The following PLA2G4F variants were observed in gnomAD, a reference collection of about 807,000 sequenced individuals.
The protein encoded by PLA2G4F is phospholipase A2 group IVF.
Under a neutral mutation model 103.1 loss-of-function variants are expected in PLA2G4F, and 105 were observed. That is an observed-to-expected ratio of 1.02 (90% CI 0.87 to 1.20). The LOEUF is 1.20. PLA2G4F is among the 50% of genes most tolerant of loss of function. The pLI is 0.00. For synonymous variants in PLA2G4F, 468 were observed against 441.1 expected (o/e 1.06, Z -0.76); for missense variants, 1,155 against 1,075.9 (o/e 1.07, Z -1.03).
chr15:42,151,548 A>C (rs1566881316), intron 7 of PLA2G4F: 1 of 985,334 alleles, frequency 1.0e-6, no homozygotes, highest in East Asian at 1.1e-4. Flanking sequence ...CAGAGACCCA[A>C]AGTATGCGAG....
rs144403970 is a variant in PLA2G4F, at chr15:42,147,243, A to G, written c.1300T>C (p.Leu434=). 7.4e-6 allele frequency: 12 copies of G among 1,612,458 alleles called. No homozygotes were observed. In the African/African-American group the frequency reaches 1.6e-4, roughly 22 times the overall value. ...TAGTACTGTAGCCGCTCCGTGGACA[A>G]AGCTCCCATCTTACTGCTGCAGACG... ...VHVCSSKMGA[L]STERLQYYTQ... The change falls in exon 13 of 20, where the codon TTG becomes CTG. Residue 434 remains leucine, a synonymous_variant. Transcript: ENST00000397272.
At chr15:42,152,997 T>G (rs1335183325) in intron 6 of PLA2G4F, among the ~76,000 whole-genome samples, 1 of 151,944 alleles carries the variant, frequency 6.6e-6, no homozygotes, top group African/African-American at 2.4e-5. Flanking sequence ...TCAGAGGAAG[T>G]GGGTGCTGGT....
intron 1 of PLA2G4F, among the ~76,000 whole-genome samples, chr15:42,156,043 C>G (rs988735569): frequency 2.6e-5 from 4 of 152,106 alleles, no homozygotes; most frequent in African/African-American, 9.7e-5. Context: ...GAGCGGAAGC[C>G]GAGAGTCACC....
intron 7 of PLA2G4F, chr15:42,151,759 C>A (rs1279307292): frequency 1.3e-6 from 1 of 785,030 alleles, no homozygotes; most frequent in Non-Finnish European, 1.5e-6. Context: ...CCATATAATC[C>A]GTGGTTGAGA....
rs1010970045 is a variant in PLA2G4F at position 42,147,232 on chromosome 15, C to T, written c.1311G>A (p.Glu437=). The T allele has an allele frequency of 4.3e-6, 7 of 1,612,730 alleles. No individual in the cohort carries two copies. Among genetic ancestry groups the T allele is most frequent in the Admixed American group, 3.3e-5 (2 of 60,000 alleles). The change falls in exon 13 of 20, where the codon GAG becomes GAA. Residue 437 remains glutamate (E), a synonymous_variant. Coordinates refer to ENST00000397272, the MANE Select transcript of PLA2G4F (RefSeq NM_213600.4). ...CSSKMGALST[E]RLQYYTQELG... ...GTTCCTGAGTGTAGTACTGTAGCCG[C>T]TCCGTGGACAAAGCTCCCATCTTAC...
At chr15:42,150,540 C>T in intron 8 of PLA2G4F, 54 bp from the exon 9 acceptor site, 3 of 1,598,126 alleles carry the variant, frequency 1.9e-6, no homozygotes, top group Non-Finnish European at 2.6e-6. Flanking sequence ...AAAGTCTCCC[C>T]CAACGTGGCC....
rs2141124387 is a variant in PLA2G4F, at chr15:42,142,572, T to A, written c.2285A>T (p.His762Leu). ...GAAGGTACGGTTAACCAGGGGGAAG[T>A]GCAGCACAATGGGGGAGCGGGGGTC... is the stretch of plus-strand genomic sequence containing the variant. ...AEDPRSPIVL[H>L]FPLVNRTFRT... The change falls in exon 19 of 20, where the codon CAC becomes CTC. Residue 762 changes from histidine to leucine, a missense_variant. His to Leu is a moderately conservative substitution (Grantham distance 99). Transcript: ENST00000397272. The A allele has an allele frequency of 6.2e-7, 1 of 1,613,920 alleles. No individual in the cohort carries two copies. Among genetic ancestry groups the A allele is most frequent in the Non-Finnish European group, 8.5e-7 (1 of 1,179,958 alleles).
chr15:42,153,528 A>C, intron 5 of PLA2G4F, 92 bp downstream of exon 5: 2 of 1,550,812 alleles, frequency 1.3e-6, no homozygotes, highest in Non-Finnish European at 1.8e-6. Context: ...CCAGGCCTCC[A>C]AGGCCAGTGC....
chr15:42,146,822 T>C (rs2048891100), intron 13 of PLA2G4F: 1 of 319,760 alleles, frequency 3.1e-6, no homozygotes, highest in South Asian at 4.5e-5. Flanking sequence ...TGAGAACAAC[T>C]AAAATCACTC....
intron 17 of PLA2G4F, 93 bp downstream of exon 17, chr15:42,144,357 C>G: frequency 6.6e-7 from 1 of 1,526,066 alleles, no homozygotes; most frequent in Non-Finnish European, 9.0e-7. Context: ...GACCACACCT[C>G]AACCCCCAGC....
intron 7 of PLA2G4F, chr15:42,151,454 G>A (rs931539991): frequency 1.8e-5 from 18 of 985,194 alleles, no homozygotes; most frequent in Non-Finnish European, 1.9e-5. Context: ...ACCCCAGGGA[G>A]AAATGGCTGC....
chr15:42,144,335 T>C, intron 17 of PLA2G4F, 115 bp downstream of exon 17: 5 of 1,454,366 alleles, frequency 3.4e-6, no homozygotes, highest in Non-Finnish European at 4.7e-6. Flanking sequence ...CATCAGCCCA[T>C]AGGCAGCAGG....
chr15:42,143,696 T>C (rs1176714913), intron 18 of PLA2G4F, among the ~76,000 whole-genome samples: 1 of 152,216 alleles, frequency 6.6e-6, no homozygotes, highest in Non-Finnish European at 1.5e-5. Flanking sequence ...GGGGATCTTC[T>C]ATGGATGAGG....
rs1350496025 is a variant in PLA2G4F, at chr15:42,141,448, C to A, written c.*536G>T. The A allele has an allele frequency of 2.3e-6, 1 of 444,410 alleles. No individual in the cohort carries two copies. Among genetic ancestry groups the A allele is most frequent in the Admixed American group, 2.4e-5 (1 of 42,116 alleles). 27.5% of individuals were successfully genotyped at this position (444,410 alleles called of 1,614,324 possible). A position where few individuals can be genotyped will look rare whatever the true frequency, so the allele number is the denominator to read the frequency against. ...AGGAGGGTTAGGATGATGGAGTCAG[C>A]AACATAGGCTGGCCATCCCCTCAGC... On this transcript the variant is annotated 3_prime_UTR_variant, in exon 20 of 20. Transcript: ENST00000397272.
In PLA2G4F at chr15:42,141,565, T is replaced by C. The variant is rs1387117723; in HGVS notation, c.*419A>G. On this transcript the variant is annotated 3_prime_UTR_variant, in exon 20 of 20. Transcript: ENST00000397272. ...CAGGAAGTGTGGATGGATGCATCTCTGCTTTCCATCTCAGTGTAAGGAGGA... is the reference window on the plus strand; with the variant it reads ...CAGGAAGTGTGGATGGATGCATCTCCGCTTTCCATCTCAGTGTAAGGAGGA... The C allele has an allele frequency of 2.2e-6, 1 of 459,304 alleles. No individual in the cohort carries two copies. Among genetic ancestry groups the C allele is most frequent in the Non-Finnish European group, 4.4e-6 (1 of 229,670 alleles). 28.5% of individuals were successfully genotyped at this position (459,304 alleles called of 1,614,324 possible).
At position 42,154,004 on chromosome 15, in the gene PLA2G4F, C is replaced by T. The variant is rs2048986110; in HGVS notation, c.450+88G>A. ...GGAAGGTCTGCCTTGGAGGCTTGGC[C>T]TGTGCCGACCAGAGCCCCCTCTTTG... On this transcript the variant is annotated intron_variant, in intron 4 of 19. Transcript: ENST00000397272. 2.5e-6 allele frequency: 4 copies of T among 1,580,868 alleles called. No individual in the cohort carries two copies. The Admixed American group carries it at 5.2e-5, about 20-fold the overall frequency.
chr15:42,156,403 C>T (rs2049015589), intron 1 of PLA2G4F, 36 bp downstream of exon 1: 1 of 1,524,358 alleles, frequency 6.6e-7, no homozygotes, highest in Admixed American at 2.0e-5. Context: ...AGGACTCCCC[C>T]AGTCCGGGTT....
chr15:42,143,553 G>A (rs945781295), intron 18 of PLA2G4F, among the ~76,000 whole-genome samples: 1 of 152,154 alleles, frequency 6.6e-6, no homozygotes, highest in African/African-American at 2.4e-5. Flanking sequence ...AGAGATGGAG[G>A]GACTTGCTGC....
intron 11 of PLA2G4F, chr15:42,148,890 G>C (rs1246011699): frequency 1.0e-6 from 1 of 985,324 alleles, no homozygotes; most frequent in African/African-American, 1.7e-5. Context: ...AGTGCTGGAT[G>C]AGACAGAGCA....
Sources: gnomAD v4.1 joint callset for allele counts (sites outside exome capture counted in the v4.1 genomes callset) on GRCh38, gnomAD v4.1.1 for gene constraint, MANE v1.5 for transcripts, NCBI Gene and HGNC (gene_info 2026-07-23, HGNC 2026-07-21) for gene names.